Variants in NKAIN4 observed in about 807,000 individuals in gnomAD.
NKAIN4 encodes sodium/potassium transporting ATPase interacting 4, also known as sodium/potassium-transporting ATPase subunit beta-1-interacting protein 4.
NKAIN4 carries 28 observed loss-of-function variants against 28.8 expected under a neutral mutation model. That is an observed-to-expected ratio of 0.97 (90% CI 0.72 to 1.33). The LOEUF (loss-of-function observed/expected upper bound fraction) is 1.33. Among genes scored for constraint, NKAIN4 ranks in the 40% most tolerant of loss-of-function variants. The pLI, the probability that NKAIN4 is intolerant of heterozygous loss-of-function variation, is 0.00. For missense variants in NKAIN4, 289 were observed against 277.2 expected (o/e 1.04, Z -0.30); for synonymous variants, 122 against 115.6 (o/e 1.06, Z -0.36).
intron 6 of NKAIN4, among the ~76,000 whole-genome samples, chr20:63,242,283 C>A (rs1036511380): frequency 6.6e-6 from 1 of 150,488 alleles, no homozygotes; most frequent in Non-Finnish European, 1.5e-5. Flanking sequence ...TGGACCCAAC[C>A]CCCTCCCACA....
chr20:63,244,232 G>A (rs1010892159), intron 4 of NKAIN4, 148 bp from the exon 5 acceptor site: 6 of 686,784 alleles, frequency 8.7e-6, no homozygotes, highest in South Asian at 8.6e-5. Context: ...GTGACTTGGA[G>A]TGGGAGAGCT....
intron 3 of NKAIN4, 173 bp downstream of exon 3, chr20:63,248,642 T>C (rs1477819595): frequency 6.8e-6 from 4 of 587,658 alleles, no homozygotes; most frequent in Non-Finnish European, 1.2e-5. Context: ...CCCCAAACCT[T>C]TACTGAGTTA....
At chr20:63,253,596 A>C (rs2123140951) in intron 1 of NKAIN4, 1 of 831,206 alleles carries the variant, frequency 1.2e-6, no homozygotes, top group East Asian at 1.2e-4. Context: ...GCATCGAAGC[A>C]AAGCAGCTTC....
intron 3 of NKAIN4, chr20:63,248,515 C>G (rs2066900718): frequency 2.8e-6 from 1 of 354,102 alleles, no homozygotes; most frequent in Non-Finnish European, 5.4e-6. Context: ...GTCCATTCAC[C>G]TGCAGATCTC....
chr20:63,247,415 C>T, intron 4 of NKAIN4, 163 bp downstream of exon 4: 1 of 1,536,940 alleles, frequency 6.5e-7, no homozygotes. Flanking sequence ...ATGGGACCCA[C>T]CCGTGATACC....
intron 1 of NKAIN4, chr20:63,254,007 G>T: frequency 5.0e-6 from 1 of 199,656 alleles, no homozygotes; most frequent in South Asian, 6.3e-5. Context: ...TGCGGGAAAC[G>T]CTCGCACAGA....
intron 4 of NKAIN4, chr20:63,247,183 C>T (rs1172676056): frequency 1.4e-5 from 16 of 1,138,080 alleles, no homozygotes; most frequent in Non-Finnish European, 1.6e-5. Flanking sequence ...GGCATGGGCT[C>T]GGGGCAGCCG....
chr20:63,254,310 G>C, intron 1 of NKAIN4, 87 bp downstream of exon 1: 3 of 1,111,666 alleles, frequency 2.7e-6, no homozygotes, highest in Non-Finnish European at 3.6e-6. Flanking sequence ...AACGGGCCCC[G>C]GGGCGGAGGG....
rs983839102 is a variant in NKAIN4, at chr20:63,252,505, G to A, written c.54+1892C>T. ...ATCCAACAACCCCGCCCTTCCTCCC[G>A]GGCCCCCTACCCCCATGCAGTGACT... On this transcript the variant is annotated intron_variant, in intron 1 of 6. Transcript: ENST00000370316. The surrounding 1 kb of genome is among the most constrained non-coding windows in gnomAD (Gnocchi z 4.6). Among the ~76,000 whole-genome samples the A allele has an allele frequency of 1.6e-4, 25 of 151,652 alleles. No homozygotes were observed. The highest frequency in any genetic ancestry group is 5.8e-4 in the African/African-American group (24 of 41,356).
At chr20:63,254,488 G>A, upstream of NKAIN4, 1 of 1,278,942 alleles carries the variant, frequency 7.8e-7, no homozygotes, top group African/African-American at 1.6e-5. Context: ...GGTGCCCCGC[G>A]CTCGGCCCCC....
upstream of NKAIN4, chr20:63,254,908 G>C (rs893043394): frequency 3.2e-5 from 5 of 154,890 alleles, no homozygotes; most frequent in Non-Finnish European, 1.4e-5. Flanking sequence ...GCATCCGCGA[G>C]GCGTTTTCTC....
chr20:63,246,983 A>G (rs1397789985), intron 4 of NKAIN4: 6 of 993,846 alleles, frequency 6.0e-6, no homozygotes, highest in African/African-American at 1.7e-5. Context: ...AGGGCCGGAG[A>G]GGACGGCAGA....
At position 63,241,264 on chromosome 20, in the gene NKAIN4, C is replaced by CT. The variant is rs530047912; in HGVS notation, c.*232dup. 19,929 of 450,906 alleles carry CT rather than the reference C, an allele frequency of 0.044. 8 individuals carry two copies. Among genetic ancestry groups the CT allele is most frequent in the South Asian group, 0.064 (2,186 of 34,218 alleles). 27.9% of individuals were successfully genotyped at this position (450,906 alleles called of 1,614,324 possible). Reference sequence around the variant, plus strand: ...CCTTTTCTTTTGTATGTTTTCTTTTCTTTTTTTTTTTTAAGAGAAAGGAAA... The same window carrying CT: ...CCTTTTCTTTTGTATGTTTTCTTTTCTTTTTTTTTTTTTAAGAGAAAGGAAA... On this transcript the variant is annotated 3_prime_UTR_variant, in exon 7 of 7. Transcript: ENST00000370316.
At chr20:63,244,274 G>A (rs1018456080) in intron 4 of NKAIN4, among the ~76,000 whole-genome samples, 190 bp from the exon 5 acceptor site, 7 of 152,312 alleles carry the variant, frequency 4.6e-5, no homozygotes, top group South Asian at 2.1e-4. Flanking sequence ...CTCAAGCTCC[G>A]GACGCACCCC....
chr20:63,247,495 G>T (rs547273189), intron 4 of NKAIN4, 83 bp downstream of exon 4: 1 of 1,548,354 alleles, frequency 6.5e-7, no homozygotes, highest in African/African-American at 1.4e-5. Context: ...AGCTGGCCCC[G>T]CCTCAGGGAG....
chr20:63,241,388 TG>T lies in NKAIN4; in HGVS notation c.*108del, dbSNP rs2066747782. 1.2e-5 allele frequency: 14 copies of T among 1,215,716 alleles called. No homozygotes were observed. Among genetic ancestry groups the T allele is most frequent in the Non-Finnish European group, 1.4e-5 (12 of 843,852 alleles). The allele number at this position is 1,215,716 out of a possible 1,614,324, so 75.3% of individuals were successfully genotyped here. On this transcript the variant is annotated 3_prime_UTR_variant, in exon 7 of 7. Transcript: ENST00000370316. ...CCCAGGGCAGGTGCTGCCGGCCGCC[TG>T]GGGGGTGCTGGGTGGGGGCGCGTCC...
intron 6 of NKAIN4, chr20:63,241,836 C>T: frequency 2.1e-6 from 1 of 481,362 alleles, no homozygotes; most frequent in East Asian, 4.6e-5. Context: ...CTTCCCAGGT[C>T]TTTATTCCCC....
intron 3 of NKAIN4, chr20:63,248,501 TG>T: frequency 3.4e-6 from 1 of 296,926 alleles, no homozygotes; most frequent in Non-Finnish European, 6.6e-6. Context: ...CCCAGGAGGG[TG>T]GTGTCCATTC....
intron 6 of NKAIN4, among the ~76,000 whole-genome samples, chr20:63,242,003 C>T (rs2066761329): frequency 6.6e-6 from 1 of 152,164 alleles, no homozygotes; most frequent in South Asian, 2.1e-4. Flanking sequence ...GCCACCTATT[C>T]TGAGCCCCAA....
Sources: allele counts gnomAD v4.1 joint callset (sites outside exome capture counted in the v4.1 genomes callset), GRCh38; gene constraint gnomAD v4.1.1; non-coding constraint Gnocchi (gnomAD v3.1); transcripts MANE v1.5; gene names NCBI Gene and HGNC (gene_info 2026-07-23, HGNC 2026-07-21).